DIAPH2: variants seen among roughly 807,000 people sequenced by gnomAD.
DIAPH2 encodes the protein diaphanous related formin 2, also known as protein diaphanous homolog 2.
In DIAPH2, 35 loss-of-function variants were observed where a neutral mutation model predicts 92.7. The ratio of observed to expected loss-of-function variants is 0.38; its 90% confidence interval spans 0.29 to 0.50. The LOEUF is 0.50. Ranked by LOEUF, DIAPH2 falls within the 20% of genes least tolerant of loss-of-function variation. The pLI, the probability that DIAPH2 is intolerant of heterozygous loss-of-function variation, is 0.94. For missense variants in DIAPH2, 701 were observed against 819.5 expected, an observed-to-expected ratio of 0.86 and a Z score of 1.77; for synonymous variants, 301 against 280.4, an observed-to-expected ratio of 1.07 and a Z score of -0.73.
intron 5 of DIAPH2, chrX:96,885,208 T>A: frequency 1.6e-6 from 1 of 634,945 alleles, no homozygotes. Flanking sequence ...TCAAGTGGCA[T>A]TCTTTGTCAA....
At chrX:97,419,587 C>T (rs769717611) in intron 25 of DIAPH2, among the ~76,000 whole-genome samples, 4 of 111,733 alleles carry the variant, frequency 3.6e-5, no homozygotes, top group South Asian at 3.9e-4. Context: ...CAAGGCGTCT[C>T]GGGGTCCTAA....
intron 4 of DIAPH2, among the ~76,000 whole-genome samples, chrX:96,814,855 G>A (rs973254789): frequency 1.8e-5 from 2 of 111,618 alleles, no homozygotes; most frequent in Non-Finnish European, 1.9e-5. Context: ...TATCACCAGC[G>A]GAGACTGCAG....
In DIAPH2 at chrX:97,600,180, C is replaced by G. The variant is rs1019876965; in HGVS notation, c.*863C>G. On this transcript the variant is annotated 3_prime_UTR_variant, in exon 27 of 27. Transcript: ENST00000324765. Reference sequence around the variant, plus strand: ...AATTCTATTACGTTTATTTAGATTTCAAAGGCAAATATTGATTCCTATGCT... The same window carrying G: ...AATTCTATTACGTTTATTTAGATTTGAAAGGCAAATATTGATTCCTATGCT... The G allele has an allele frequency of 1.8e-5, 2 of 112,150 alleles. 1 individual carries two copies. The highest frequency in any genetic ancestry group is 1.9e-4 in the Admixed American group (2 of 10,533). The allele number at this position is 112,150 out of a possible 1,213,427, so 9.2% of individuals were successfully genotyped here.
At position 97,070,922 on chromosome X, in the gene DIAPH2, C is replaced by T. The variant is rs1246914772; in HGVS notation, c.2051-2019C>T. Among the ~76,000 whole-genome samples, 9 of 111,641 alleles carry T rather than the reference C, an allele frequency of 8.1e-5. No homozygotes were observed. The South Asian group carries it at 3.0e-3, about 37-fold the overall frequency. Reference sequence around the variant, plus strand: ...CAAAAATATAAAGTCATTAAATGAGCATTATCTATTCCTGGGTTAGTCAGG... The same window carrying T: ...CAAAAATATAAAGTCATTAAATGAGTATTATCTATTCCTGGGTTAGTCAGG... On this transcript the variant is annotated intron_variant, in intron 17 of 26. Coordinates refer to ENST00000324765, the MANE Select transcript of DIAPH2 (RefSeq NM_006729.5).
chrX:96,732,128 G>A (rs1282964463), intron 1 of DIAPH2, among the ~76,000 whole-genome samples: 1 of 110,957 alleles, frequency 9.0e-6, no homozygotes, highest in Admixed American at 9.6e-5. Flanking sequence ...CCACATAAAT[G>A]AATTTTGAGA....
chrX:96,950,528 C>A (rs749737317), intron 15 of DIAPH2, among the ~76,000 whole-genome samples: 51 of 111,554 alleles, frequency 4.6e-4, no homozygotes, highest in Non-Finnish European at 9.2e-4. Context: ...TATGTCTGTT[C>A]TTTCTTCAAC....
intron 24 of DIAPH2, among the ~76,000 whole-genome samples, chrX:97,368,899 CTTTTTTTT>C (rs386417287): frequency 3.8e-5 from 2 of 52,058 alleles, no homozygotes; most frequent in Admixed American, 3.5e-4. Context: ...TCTACCCTTT[CTTTTTTTT>C]TTTTTTTTTT....
At chrX:97,242,103 A>T (rs5921689) in intron 22 of DIAPH2, among the ~76,000 whole-genome samples, 5 of 111,407 alleles carry the variant, frequency 4.5e-5, no homozygotes, top group Admixed American at 9.6e-5. Flanking sequence ...ATGAGTAAAT[A>T]AAAAAATTCT....
chrX:96,812,247 G>C (rs1044780694), intron 4 of DIAPH2, among the ~76,000 whole-genome samples: 3 of 111,734 alleles, frequency 2.7e-5, no homozygotes, highest in Non-Finnish European at 5.6e-5. Context: ...GTTTAGTCTT[G>C]GGAGGGTGTA....
At chrX:96,884,363 C>T (rs2065242443) in intron 5 of DIAPH2, 2 of 1,209,913 alleles carry the variant, frequency 1.7e-6, no homozygotes, top group Non-Finnish European at 1.1e-6. Flanking sequence ...GCTGATGGAG[C>T]GAGTGGAGGC....
At chrX:97,323,314 G>A (rs749186339) in intron 23 of DIAPH2, among the ~76,000 whole-genome samples, 112 of 105,369 alleles carry the variant, frequency 1.1e-3, no homozygotes, top group African/African-American at 3.6e-3. Flanking sequence ...AAGCTTGGCC[G>A]GGCGCGGTGG....
chrX:97,202,230 G>A (rs968388058), intron 22 of DIAPH2, among the ~76,000 whole-genome samples: 4 of 111,770 alleles, frequency 3.6e-5, no homozygotes, highest in Admixed American at 9.6e-5. Flanking sequence ...AAAGACCAAT[G>A]ACACTATGAA....
At chrX:97,036,407 T>C in intron 17 of DIAPH2, among the ~76,000 whole-genome samples, 1 of 112,331 alleles carries the variant, frequency 8.9e-6, no homozygotes, top group Non-Finnish European at 1.9e-5. Context: ...ATTAGAACAA[T>C]AACAGCTTAA....
intron 26 of DIAPH2, among the ~76,000 whole-genome samples, chrX:97,432,750 G>A (rs1783208160): frequency 9.0e-6 from 1 of 110,548 alleles, no homozygotes; most frequent in South Asian, 3.8e-4. Flanking sequence ...GCCTCCCAAA[G>A]TGCTGGGATT....
chrX:97,441,676 C>A (rs1008623115), intron 26 of DIAPH2, among the ~76,000 whole-genome samples: 3 of 111,173 alleles, frequency 2.7e-5, no homozygotes, highest in Non-Finnish European at 5.7e-5. Flanking sequence ...ATTAGCCGGG[C>A]GTGGTGGCAC....
intron 4 of DIAPH2, among the ~76,000 whole-genome samples, chrX:96,861,675 A>G (rs762274150): frequency 3.5e-4 from 39 of 111,532 alleles, no homozygotes; most frequent in African/African-American, 1.2e-3. Flanking sequence ...TTAAGTCCAA[A>G]CCCCTTAATG....
intron 17 of DIAPH2, among the ~76,000 whole-genome samples, chrX:96,972,170 G>A (rs1055478527): frequency 9.0e-6 from 1 of 111,342 alleles, no homozygotes; most frequent in Admixed American, 9.6e-5. Context: ...AAACCTCTTA[G>A]ACCAGTGTTC....
chrX:97,174,307 T>C (rs1427438406), intron 22 of DIAPH2, among the ~76,000 whole-genome samples: 1 of 110,359 alleles, frequency 9.1e-6, no homozygotes, highest in Admixed American at 9.8e-5. Flanking sequence ...CACTTTACTA[T>C]GCTGAAAAAA....
intron 13 of DIAPH2, among the ~76,000 whole-genome samples, chrX:96,943,582 A>G (rs943055528): frequency 8.1e-5 from 9 of 111,327 alleles, no homozygotes; most frequent in Non-Finnish European, 1.7e-4. Context: ...CATAGTTAGG[A>G]CACATACACT....
Sources: gnomAD v4.1 joint callset for allele counts (sites outside exome capture counted in the v4.1 genomes callset) on GRCh38, gnomAD v4.1.1 for gene constraint, MANE v1.5 for transcripts, NCBI Gene and HGNC (gene_info 2026-07-23, HGNC 2026-07-21) for gene names.